The following MET variants were observed in gnomAD, a reference collection of about 807,000 sequenced individuals.
MET encodes hepatocyte growth factor receptor.
MET carries 48 observed loss-of-function variants against 133.1 expected under a neutral mutation model. That is an observed-to-expected ratio of 0.36 (90% confidence interval 0.29 to 0.46). MET has a LOEUF of 0.46. Ranked by LOEUF, MET falls within the 20% of genes least tolerant of loss-of-function variation. The pLI is 1.00. For synonymous variants in MET, 628 were observed against 616.5 expected (o/e 1.02, Z -0.28); for missense variants, 1,442 against 1,695.9 (o/e 0.85, Z 2.63).
chr7:116,757,625 A>G lies in MET; in HGVS notation c.1966-13A>G. On this transcript the variant is annotated splice_polypyrimidine_tract_variant and intron_variant, in intron 7 of 20. Transcript: ENST00000397752. The stretch of plus-strand genomic sequence containing the variant: ...GAACAAGTTACTTTGTTTTGTTTTT[A>G]TCTCCCCTCCAGGATCCTGTAATAA... The G allele has an allele frequency of 6.2e-7, 1 of 1,613,886 alleles. No individual in the cohort carries two copies. Among genetic ancestry groups the G allele is most frequent in the Non-Finnish European group, 8.5e-7 (1 of 1,179,908 alleles).
chr7:116,693,853 C>G (rs1796863313), intron 1 of MET, among the ~76,000 whole-genome samples: 1 of 152,176 alleles, frequency 6.6e-6, no homozygotes, highest in African/African-American at 2.4e-5. Flanking sequence ...ATGCATTGAC[C>G]TGCTATGTGC....
chr7:116,758,711 C>T, intron 9 of MET, 91 bp downstream of exon 9: 1 of 1,299,298 alleles, frequency 7.7e-7, no homozygotes, highest in Non-Finnish European at 1.1e-6. Context: ...AGTTTTATCT[C>T]TGGCTTTGAT....
rs2117045829 is a variant in MET, at chr7:116,778,825, C to T, written c.3390C>T (p.Ile1130=). 6.2e-7 allele frequency: 1 copy of T among 1,614,072 alleles called. No homozygotes were observed. The highest frequency in any genetic ancestry group is 8.5e-7 in the Non-Finnish European group (1 of 1,179,968). ...CCCAATTTCTGACCGAGGGAATCAT[C>T]ATGAAAGATTTTAGTCATCCCAATG... ...EVSQFLTEGI[I]MKDFSHPNVL... is the part of the protein sequence containing the mutation. The change falls in exon 17 of 21, where the codon ATC becomes ATT. Residue 1130 remains isoleucine (I), a synonymous_variant. Transcript: ENST00000397752.
intron 1 of MET, among the ~76,000 whole-genome samples, chr7:116,698,465 C>G (rs1797043392): frequency 6.6e-6 from 1 of 152,172 alleles, no homozygotes; most frequent in African/African-American, 2.4e-5. Flanking sequence ...AATAGGTTAA[C>G]TATAGCCAAA....
chr7:116,765,207 C>T (rs1794574756), intron 11 of MET, among the ~76,000 whole-genome samples: 1 of 138,882 alleles, frequency 7.2e-6, no homozygotes, highest in African/African-American at 2.7e-5. Flanking sequence ...GGCTGAGGGA[C>T]GGAGGTGACC....
intron 1 of MET, among the ~76,000 whole-genome samples, chr7:116,680,086 CG>C (rs374292243): frequency 2.1e-5 from 3 of 145,908 alleles, no homozygotes; most frequent in South Asian, 2.2e-4. Flanking sequence ...CTTGAGGGGG[CG>C]GGGGGGTAAA....
Position 116,672,481 on chromosome 7 carries a change from G to A in MET, c.-111G>A, listed in dbSNP as rs1796009214. The stretch of plus-strand genomic sequence containing the variant: ...AGTGGAGGGCGCGAGCCAGATGCGG[G>A]GCGACAGCTGACTTGCTGAGAGGAG... On this transcript the variant is annotated 5_prime_UTR_variant, in exon 1 of 21. Transcript: ENST00000397752. 2 of 398,320 alleles carry A rather than the reference G, an allele frequency of 5.0e-6. No homozygotes were observed. The highest frequency in any genetic ancestry group is 8.9e-6 in the Non-Finnish European group (2 of 225,884). 24.7% of individuals were successfully genotyped at this position (398,320 alleles called of 1,614,324 possible). A position where few individuals can be genotyped will look rare whatever the true frequency, so the allele number is the denominator to read the frequency against.
intron 2 of MET, among the ~76,000 whole-genome samples, chr7:116,709,244 T>C (rs1375077277): frequency 1.3e-5 from 2 of 152,234 alleles, no homozygotes; most frequent in African/African-American, 4.8e-5. Flanking sequence ...TATACATATT[T>C]AATCACACAA....
chr7:116,754,472 C>T (rs1794046351), intron 5 of MET, among the ~76,000 whole-genome samples: 1 of 152,042 alleles, frequency 6.6e-6, no homozygotes, highest in Non-Finnish European at 1.5e-5. Flanking sequence ...AGTCTGGGCC[C>T]AACGTGTTTC....
At chr7:116,693,997 G>T (rs976589711) in intron 1 of MET, among the ~76,000 whole-genome samples, 1 of 152,208 alleles carries the variant, frequency 6.6e-6, no homozygotes, top group Non-Finnish European at 1.5e-5. Context: ...CTTGCCTAAG[G>T]TAACATGGAC....
At chr7:116,681,963 T>C (rs1213754829) in intron 1 of MET, among the ~76,000 whole-genome samples, 1 of 152,118 alleles carries the variant, frequency 6.6e-6, no homozygotes, top group Non-Finnish European at 1.5e-5. Flanking sequence ...CCTCCTAACA[T>C]AAATGAATAT....
chr7:116,787,483 CT>C (rs890045963), intron 19 of MET, among the ~76,000 whole-genome samples: 1 of 152,194 alleles, frequency 6.6e-6, no homozygotes, highest in African/African-American at 2.4e-5. Context: ...TGCTGAAGGT[CT>C]TCTTGCTGTG....
intron 1 of MET, among the ~76,000 whole-genome samples, chr7:116,697,446 G>T (rs745940688): frequency 1.3e-5 from 2 of 151,922 alleles, no homozygotes; most frequent in South Asian, 4.2e-4. Flanking sequence ...ATTGTATGAC[G>T]GTCTAGCTCA....
chr7:116,683,899 T>G (rs1342917690), intron 1 of MET, among the ~76,000 whole-genome samples: 1 of 152,226 alleles, frequency 6.6e-6, no homozygotes, highest in Admixed American at 6.5e-5. Flanking sequence ...TCCATCTGAA[T>G]TCCTCCTTTC....
At chr7:116,677,188 TA>T (rs1197371608) in intron 1 of MET, among the ~76,000 whole-genome samples, 1 of 152,122 alleles carries the variant, frequency 6.6e-6, no homozygotes, top group African/African-American at 2.4e-5. Context: ...TTCCATAGTA[TA>T]AATCTAAAGA....
At chr7:116,733,863 G>C (rs572058092) in intron 3 of MET, among the ~76,000 whole-genome samples, 1 of 152,238 alleles carries the variant, frequency 6.6e-6, no homozygotes, top group South Asian at 2.1e-4. Context: ...AAAGATACCT[G>C]ATAATAATAG....
At position 116,759,332 on chromosome 7, in the gene MET, T is replaced by TA. The variant is rs773835391; in HGVS notation, c.2265-58dup. 1 of 1,578,834 alleles carries TA rather than the reference T, an allele frequency of 6.3e-7. No homozygotes were observed. Among genetic ancestry groups the TA allele is most frequent in the African/African-American group, 1.3e-5 (1 of 74,504 alleles). ...AGGTGATTAAATTGAATCCCTCTCT[T>TA]ACAGTACTTGGTGGAAAGAACCTCT... is the stretch of plus-strand genomic sequence containing the variant. On this transcript the variant is annotated intron_variant, in intron 9 of 20. Transcript: ENST00000397752.
intron 2 of MET, among the ~76,000 whole-genome samples, chr7:116,726,178 T>C (rs544113570): frequency 0.011 from 40 of 3,592 alleles, no homozygotes; most frequent in African/African-American, 0.028. Flanking sequence ...TATATATATA[T>C]GGGATATAAA....
chr7:116,702,296 T>C (rs763982333), intron 2 of MET, among the ~76,000 whole-genome samples: 5 of 152,180 alleles, frequency 3.3e-5, no homozygotes, highest in Non-Finnish European at 5.9e-5. Flanking sequence ...CCAAATTCCA[T>C]AGACAAATAC....
Sources: gnomAD v4.1 joint callset for allele counts (sites outside exome capture counted in the v4.1 genomes callset) on GRCh38, gnomAD v4.1.1 for gene constraint, MANE v1.5 for transcripts, NCBI Gene and HGNC (gene_info 2026-07-23, HGNC 2026-07-21) for gene names.